EYA2: variants seen among roughly 807,000 people sequenced by gnomAD.
EYA2 encodes EYA transcriptional coactivator and phosphatase 2.
In EYA2, 31 loss-of-function variants were observed where a neutral mutation model predicts 69.2. The observed-to-expected ratio is 0.45, with a 90% CI of 0.34 to 0.60. EYA2 has a LOEUF of 0.60. Among genes scored for constraint, EYA2 ranks in the 20% least tolerant of loss-of-function variants. The pLI is 0.02. For synonymous variants in EYA2, 257 were observed against 279.4 expected (o/e 0.92, Z 0.80); for missense variants, 622 against 701.2 (o/e 0.89, Z 1.28).
chr20:46,966,566 T>C lies in EYA2; in HGVS notation c.-10-23435T>C, dbSNP rs373818304. ...GCTCACACCTGTAATCCCAGTACTT[T>C]GGGAGGCCGAGGTGGGCGGATCACG... On this transcript the variant is annotated intron_variant, in intron 1 of 15. Transcript: ENST00000327619. Among the ~76,000 whole-genome samples the C allele has an allele frequency of 2.2e-4, 33 of 152,136 alleles. No individual in the cohort carries two copies. In the South Asian group the frequency reaches 6.7e-3, roughly 31 times the overall value.
chr20:47,093,909 G>A (rs373741060), intron 8 of EYA2, among the ~76,000 whole-genome samples: 5 of 152,308 alleles, frequency 3.3e-5, no homozygotes, highest in East Asian at 3.9e-4. Flanking sequence ...TGTGCCTTAC[G>A]CTGCCCTTGT....
At chr20:47,161,912 A>G (rs1231125593) in intron 10 of EYA2, among the ~76,000 whole-genome samples, 1 of 152,204 alleles carries the variant, frequency 6.6e-6, no homozygotes. Flanking sequence ...TTGGGCTGCC[A>G]TTACAAAGTC....
At chr20:46,934,949 A>G (rs1985844969) in intron 1 of EYA2, among the ~76,000 whole-genome samples, 1 of 152,244 alleles carries the variant, frequency 6.6e-6, no homozygotes, top group Non-Finnish European at 1.5e-5. Flanking sequence ...TCATTCATCC[A>G]ACACATATTT....
chr20:47,128,359 T>C (rs1449025503), intron 9 of EYA2, among the ~76,000 whole-genome samples: 1 of 152,192 alleles, frequency 6.6e-6, no homozygotes, highest in Non-Finnish European at 1.5e-5. Flanking sequence ...AAGACCAGCA[T>C]TGCAGTTATC....
At chr20:47,055,953 C>T (rs530776962) in intron 5 of EYA2, among the ~76,000 whole-genome samples, 1 of 152,294 alleles carries the variant, frequency 6.6e-6, no homozygotes, top group African/African-American at 2.4e-5. Context: ...TGGCTCTTCC[C>T]GCCCCTGCTG....
intron 2 of EYA2, among the ~76,000 whole-genome samples, chr20:46,995,277 C>T (rs1204045308): frequency 6.6e-6 from 1 of 152,152 alleles, no homozygotes; most frequent in African/African-American, 2.4e-5. Context: ...AGAAATGAAA[C>T]GTTATGACTT....
chr20:47,036,919 G>A (rs1984750728), intron 5 of EYA2, among the ~76,000 whole-genome samples: 1 of 152,198 alleles, frequency 6.6e-6, no homozygotes, highest in Non-Finnish European at 1.5e-5. Context: ...TACAAATGAT[G>A]GGTGTATTAG....
chr20:47,178,279 T>G (rs2034461126), intron 12 of EYA2, among the ~76,000 whole-genome samples: 1 of 148,480 alleles, frequency 6.7e-6, no homozygotes, highest in Non-Finnish European at 1.5e-5. Context: ...GAGGCTGCAG[T>G]GAGCCTTGAT....
chr20:47,172,798 A>T lies in EYA2; in HGVS notation c.1129A>T (p.Met377Leu). ...GSGVHGGVDW[M>L]RKLAFRYRRV... ...TGGCGTGCACGGCGGCGTGGACTGG[A>T]TGAGGAAGCTGGCCTTCCGCTACCG... Residue 377 changes from methionine (M) to leucine (L), a missense_variant, in exon 12 of 16, where the codon ATG (methionine) becomes TTG (leucine). Coordinates refer to ENST00000327619, the MANE Select transcript of EYA2 (RefSeq NM_005244.5). 6.2e-7 allele frequency: 1 copy of T among 1,614,148 alleles called. No homozygotes were observed.
chr20:47,007,597 GT>G (rs1209614481), intron 4 of EYA2, among the ~76,000 whole-genome samples: 4 of 151,816 alleles, frequency 2.6e-5, no homozygotes, highest in Non-Finnish European at 4.4e-5. Flanking sequence ...ACTTAGGTGG[GT>G]TTTTTTTAAT....
In EYA2 at chr20:47,074,052, A is replaced by G. The variant is rs531375198; in HGVS notation, c.484-106A>G. 61 of 1,096,206 alleles carry G rather than the reference A, an allele frequency of 5.6e-5. 2 individuals are homozygous for G. Among genetic ancestry groups the G allele is most frequent in the Admixed American group, 1.7e-4 (6 of 35,730 alleles). The allele number at this position is 1,096,206 out of a possible 1,614,324, so 67.9% of individuals were successfully genotyped here. A position where few individuals can be genotyped will look rare whatever the true frequency, so the allele number is the denominator to read the frequency against. ...CAAAATGAAGACAGTTTCTGCCCACAGAGAGCTTTTATTCTAATGGTGAGA... is the reference window on the plus strand; with the variant it reads ...CAAAATGAAGACAGTTTCTGCCCACGGAGAGCTTTTATTCTAATGGTGAGA... On this transcript the variant is annotated intron_variant, in intron 6 of 15. Transcript: ENST00000327619.
At chr20:47,106,272 C>T (rs1404614544) in intron 9 of EYA2, among the ~76,000 whole-genome samples, 1 of 152,122 alleles carries the variant, frequency 6.6e-6, no homozygotes, top group Admixed American at 6.5e-5. Context: ...CAGCTGTAGC[C>T]CCCGGACCTA....
chr20:46,941,268 C>T (rs1443830749), intron 1 of EYA2, among the ~76,000 whole-genome samples: 1 of 152,250 alleles, frequency 6.6e-6, no homozygotes, highest in Non-Finnish European at 1.5e-5. Flanking sequence ...GCACAGCCCA[C>T]CTCACAGAGG....
At chr20:47,015,058 T>C (rs1354776156) in intron 4 of EYA2, among the ~76,000 whole-genome samples, 4 of 152,338 alleles carry the variant, frequency 2.6e-5, no homozygotes, top group African/African-American at 7.2e-5. Context: ...GGAATAGATA[T>C]ATACGTTACA....
Position 46,908,866 on chromosome 20 carries a change from C to T in EYA2, c.-11+13879C>T, listed in dbSNP as rs556403008. Among the ~76,000 whole-genome samples the T allele has an allele frequency of 3.7e-5, 5 of 133,384 alleles. No homozygotes were observed. In the South Asian group the frequency reaches 9.6e-4, roughly 26 times the overall value. 87.5% of individuals were successfully genotyped at this position (133,384 alleles called of 152,430 possible). On this transcript the variant is annotated intron_variant, in intron 1 of 15. Transcript: ENST00000327619. ...GTGAAAAGGCACTAAGCCTCTCTCC[C>T]GCACTTTTTTTTTTTTTTTTTTTTT...
chr20:47,102,235 G>A (rs2032442954), intron 9 of EYA2, among the ~76,000 whole-genome samples: 1 of 152,134 alleles, frequency 6.6e-6, no homozygotes, highest in Admixed American at 6.5e-5. Context: ...TCCCAAACTG[G>A]GTCACATGCC....
At chr20:47,152,820 A>G (rs1467316269) in intron 10 of EYA2, among the ~76,000 whole-genome samples, 1 of 150,248 alleles carries the variant, frequency 6.7e-6, no homozygotes, top group Non-Finnish European at 1.5e-5. Context: ...CAAAAAAAAA[A>G]AAAGAAAGAA....
chr20:46,899,667 G>A (rs1983993995), intron 1 of EYA2, among the ~76,000 whole-genome samples: 1 of 152,186 alleles, frequency 6.6e-6, no homozygotes, highest in Non-Finnish European at 1.5e-5. Flanking sequence ...GGAACAGGTG[G>A]TGCCGAGAGT....
At chr20:46,948,342 T>G (rs945617876) in intron 1 of EYA2, among the ~76,000 whole-genome samples, 4 of 152,196 alleles carry the variant, frequency 2.6e-5, no homozygotes, top group African/African-American at 9.7e-5. Flanking sequence ...TAAAACATTA[T>G]TTATAAAAGC....
Sources: gnomAD v4.1 joint callset for allele counts (sites outside exome capture counted in the v4.1 genomes callset) on GRCh38, gnomAD v4.1.1 for gene constraint, MANE v1.5 for transcripts, NCBI Gene and HGNC (gene_info 2026-07-23, HGNC 2026-07-21) for gene names.